The following PRH1 variants were observed in gnomAD, a reference collection of about 807,000 sequenced individuals.
PRH1 encodes salivary acidic proline-rich phosphoprotein 1/2.
A neutral mutation model predicts 7.9 loss-of-function variants in PRH1; 7 were observed. That is an observed-to-expected ratio of 0.89 (90% CI 0.50 to 1.67). The LOEUF (loss-of-function observed/expected upper bound fraction) is 1.67, where lower values mean the gene tolerates loss of function less well. PRH1 is among the 40% of genes most tolerant of loss of function. The probability of loss-of-function intolerance (pLI) is 0.00; values close to 1 mark genes in which losing one functional copy is unlikely to be tolerated. For synonymous variants in PRH1, 45 were observed against 80.8 expected (o/e 0.56, Z 2.38); for missense variants, 109 against 223.6 (o/e 0.49, Z 3.27).
chr12:11,067,496 A>T (rs1417491328), intron 1 of PRH1, among the ~76,000 whole-genome samples: 1 of 152,214 alleles, frequency 6.6e-6, no homozygotes, highest in East Asian at 1.9e-4. Flanking sequence ...GATGTTTCAA[A>T]TTCATATTAG....
chr12:11,017,827 T>C (rs1015383386), intron 1 of PRH1, among the ~76,000 whole-genome samples: 8 of 152,078 alleles, frequency 5.3e-5, no homozygotes, highest in African/African-American at 1.9e-4. Context: ...GCTTCCTATA[T>C]ACTTCCTATC....
chr12:10,945,978 T>C lies in PRH1; in HGVS notation c.-59+27677A>G, dbSNP rs950205757. On this transcript the variant is annotated intron_variant, in intron 2 of 3. Transcript: ENST00000539853. ...CAGAGGTTAAGGTTATCTCCCTTTTTCCCTAAACATTGCTGTTATCCTGTT... is the reference window on the plus strand; with the variant it reads ...CAGAGGTTAAGGTTATCTCCCTTTTCCCCTAAACATTGCTGTTATCCTGTT... Among the ~76,000 whole-genome samples, 101 of 152,184 alleles carry C rather than the reference T, an allele frequency of 6.6e-4. 1 individual carries two copies. The highest frequency in any genetic ancestry group is 1.4e-3 in the Non-Finnish European group (97 of 68,038).
intron 1 of PRH1, among the ~76,000 whole-genome samples, chr12:11,027,149 CAGCTGCT>C (rs1365106339): frequency 2.6e-4 from 39 of 151,410 alleles, no homozygotes; most frequent in African/African-American, 7.5e-4. Flanking sequence ...CCTGCAGTCC[CAGCTGCT>C]AGCAATGCAG....
chr12:11,017,384 A>G (rs368805331), intron 1 of PRH1, among the ~76,000 whole-genome samples: 1 of 150,236 alleles, frequency 6.7e-6, no homozygotes, highest in East Asian at 2.0e-4. Context: ...AAAATATCAG[A>G]AGAAAGAGAC....
At chr12:11,012,771 T>G (rs2136045356) in intron 1 of PRH1, among the ~76,000 whole-genome samples, 1 of 152,196 alleles carries the variant, frequency 6.6e-6, no homozygotes, top group South Asian at 2.1e-4. Flanking sequence ...TTGCCCAGTA[T>G]GGTCTTGAAA....
chr12:10,960,324 G>A (rs568923097), intron 2 of PRH1, among the ~76,000 whole-genome samples: 88 of 152,334 alleles, frequency 5.8e-4, no homozygotes, highest in African/African-American at 2.0e-3. Flanking sequence ...AACACTGGGG[G>A]TGGTAGTACA....
chr12:10,997,312 G>A (rs1565534428), intron 1 of PRH1: 2 of 1,614,084 alleles, frequency 1.2e-6, no homozygotes, highest in South Asian at 2.2e-5. Context: ...GGGTCAGAGT[G>A]AATGGTATCA....
intron 1 of PRH1, chr12:11,134,230 C>G (rs1162786982): frequency 6.2e-7 from 1 of 1,612,576 alleles, no homozygotes; most frequent in Non-Finnish European, 8.5e-7. Flanking sequence ...AAATGATGGG[C>G]AGAAAAGTTA....
At chr12:10,982,117 T>A (rs1238180067) in intron 1 of PRH1, among the ~76,000 whole-genome samples, 1 of 152,124 alleles carries the variant, frequency 6.6e-6, no homozygotes, top group African/African-American at 2.4e-5. Context: ...GTTGACAGGT[T>A]CAACAGCTGT....
At chr12:10,988,172 C>T (rs536612249) in intron 1 of PRH1, among the ~76,000 whole-genome samples, 4 of 152,190 alleles carry the variant, frequency 2.6e-5, no homozygotes, top group African/African-American at 7.2e-5. Flanking sequence ...ATCCACCAAA[C>T]CCAGCTTAGA....
chr12:11,072,154 T>TG (rs1208878736), intron 1 of PRH1, among the ~76,000 whole-genome samples: 1 of 152,132 alleles, frequency 6.6e-6, no homozygotes, highest in Non-Finnish European at 1.5e-5. Flanking sequence ...TTGTTTTTTC[T>TG]TTTTTTAGTT....
Position 10,909,089 on chromosome 12 carries a change from C to G in PRH1, c.-58-24814G>C. 4 of 1,613,478 alleles carry G rather than the reference C, an allele frequency of 2.5e-6. No individual in the cohort carries two copies. The South Asian group carries it at 4.4e-5, about 18-fold the overall frequency. On this transcript the variant is annotated intron_variant, in intron 2 of 3. Transcript: ENST00000539853. ...CAGACACAAATATGGCTAGATAATGCAGAGCTAAAAACCAACTTACTAATA... is the reference window on the plus strand; with the variant it reads ...CAGACACAAATATGGCTAGATAATGGAGAGCTAAAAACCAACTTACTAATA...
intron 1 of PRH1, among the ~76,000 whole-genome samples, chr12:11,042,234 T>C (rs2136127630): frequency 6.6e-6 from 1 of 151,586 alleles, no homozygotes; most frequent in South Asian, 2.1e-4. Flanking sequence ...TTAGGCAGAC[T>C]AAGAAAAAAA....
Position 11,090,898 on chromosome 12 carries a change from T to G in PRH1, n.124-43710A>C, listed in dbSNP as rs1444824060. On this transcript the variant is annotated intron_variant and non_coding_transcript_variant, in intron 1 of 4. Transcript: ENST00000541977. ...ATAACAATAGAAAAGAGCAATATTT[T>G]TCCGGGGATAAGCTCTTACTTCTTA... Among the ~76,000 whole-genome samples, 2 of 111,604 alleles carry G rather than the reference T, an allele frequency of 1.8e-5. 1 individual carries two copies. The highest frequency in any genetic ancestry group is 4.2e-5 in the Non-Finnish European group (2 of 47,534). The allele number at this position is 111,604 out of a possible 152,430, so 73.2% of individuals were successfully genotyped here. A position where few individuals can be genotyped will look rare whatever the true frequency, so the allele number is the denominator to read the frequency against.
At chr12:11,165,369 A>G (rs1166937934) in intron 1 of PRH1, among the ~76,000 whole-genome samples, 1 of 152,004 alleles carries the variant, frequency 6.6e-6, no homozygotes, top group Non-Finnish European at 1.5e-5. Flanking sequence ...TGCCTTCAAT[A>G]TTACTGATTC....
intron 1 of PRH1, among the ~76,000 whole-genome samples, chr12:11,071,267 G>T (rs1313625101): frequency 6.6e-6 from 1 of 151,738 alleles, no homozygotes; most frequent in African/African-American, 2.4e-5. Flanking sequence ...TCCAACAGGA[G>T]GGCATATGGA....
chr12:11,061,257 A>C, intron 1 of PRH1: 1 of 1,166,234 alleles, frequency 8.6e-7, no homozygotes, highest in South Asian at 1.6e-5. Flanking sequence ...TACATGCTTG[A>C]AAGTTATTCA....
At chr12:10,916,894 T>C (rs543985527) in intron 2 of PRH1, among the ~76,000 whole-genome samples, 198 of 146,668 alleles carry the variant, frequency 1.3e-3, no homozygotes, top group Non-Finnish European at 2.1e-3. Flanking sequence ...TAAAATAAGA[T>C]AAAATAAAAT....
At chr12:11,045,087 T>C (rs2136134003) in intron 1 of PRH1, among the ~76,000 whole-genome samples, 1 of 152,210 alleles carries the variant, frequency 6.6e-6, no homozygotes, top group South Asian at 2.1e-4. Context: ...TAGATAAAGA[T>C]AATATGGTAC....
Sources: gnomAD v4.1 joint callset for allele counts (sites outside exome capture counted in the v4.1 genomes callset) on GRCh38, gnomAD v4.1.1 for gene constraint, MANE v1.5 for transcripts, NCBI Gene and HGNC (gene_info 2026-07-23, HGNC 2026-07-21) for gene names.